The following EZH1 variants were observed in gnomAD, a reference collection of about 807,000 sequenced individuals.
EZH1 encodes the protein enhancer of zeste 1 polycomb repressive complex 2 subunit, also known as histone-lysine N-methyltransferase EZH1.
A neutral mutation model predicts 100.5 loss-of-function variants in EZH1; 33 were observed. The observed-to-expected ratio is 0.33, with a 90% CI of 0.25 to 0.44. EZH1 has a LOEUF of 0.44. EZH1 is among the 20% of genes least tolerant of loss of function. The pLI is 1.00. For synonymous variants in EZH1, 272 were observed against 313.8 expected (o/e 0.87, Z 1.41); for missense variants, 475 against 928.4 (o/e 0.51, Z 6.35).
intron 6 of EZH1, among the ~76,000 whole-genome samples, chr17:42,721,429 AAAG>A (rs1311032244): frequency 6.6e-6 from 1 of 152,208 alleles, no homozygotes; most frequent in Non-Finnish European, 1.5e-5. Flanking sequence ...TGCCTGGATC[AAAG>A]AAGTATGACA....
At chr17:42,732,539 C>T (rs983411441) in intron 1 of EZH1, among the ~76,000 whole-genome samples, 10 of 152,148 alleles carry the variant, frequency 6.6e-5, no homozygotes, top group African/African-American at 2.4e-4. Flanking sequence ...GAGGCCGAGG[C>T]GGGCAGATGA....
chr17:42,724,004 T>C (rs1000381232), intron 5 of EZH1, among the ~76,000 whole-genome samples: 9 of 152,220 alleles, frequency 5.9e-5, no homozygotes, highest in African/African-American at 1.7e-4. Context: ...TTAGACTGCA[T>C]TTAACTGTAC....
Position 42,744,518 on chromosome 17 carries a change from C to T in EZH1, c.-103+493G>A, listed in dbSNP as rs530525446. 3.0e-4 allele frequency among the ~76,000 whole-genome samples: 46 copies of T among 152,288 alleles called. 1 individual carries two copies. Among genetic ancestry groups the T allele is most frequent in the Admixed American group, 2.6e-3 (40 of 15,300 alleles). On this transcript the variant is annotated intron_variant, in intron 1 of 20. Transcript: ENST00000428826. The stretch of plus-strand genomic sequence containing the variant: ...TTTGTGCCTTGGGAGCCTTACTCAC[C>T]TCACCCTAGTCCCGGCCTTGTTTTT...
intron 19 of EZH1, chr17:42,703,197 CAG>C (rs2053280450): frequency 4.3e-6 from 2 of 460,734 alleles, no homozygotes; most frequent in South Asian, 4.3e-5. Flanking sequence ...TTTTTTGAGA[CAG>C]AGTCTTGCTC....
At chr17:42,719,041 AG>A in intron 8 of EZH1, 63 bp downstream of exon 8, 1 of 1,254,474 alleles carries the variant, frequency 8.0e-7, no homozygotes, top group Non-Finnish European at 1.1e-6. Context: ...ACCAAAAATT[AG>A]GAGGGAATAA....
chr17:42,712,447 C>G lies in EZH1; in HGVS notation c.1243G>C (p.Ala415Pro). The G allele has an allele frequency of 1.2e-6, 2 of 1,614,056 alleles. No individual in the cohort carries two copies. The highest frequency in any genetic ancestry group is 1.7e-6 in the Non-Finnish European group (2 of 1,179,990). The change falls in exon 12 of 21, where the codon GCT (alanine) becomes CCT (proline). Residue 415 changes from alanine to proline, a missense_variant. This residue lies in a region of EZH1 where 83 missense variants were observed against 142.1 expected (regional missense o/e 0.58). Transcript: ENST00000428826. ...CAGAGTTGAGGTGGGGCTGGACTAGCCTTCTGTTTTGTGGGAGTCTGACAG... is the reference window on the plus strand; with the variant it reads ...CAGAGTTGAGGTGGGGCTGGACTAGGCTTCTGTTTTGTGGGAGTCTGACAG... ...SRCQTPTKQK[A>P]SPAPPQLCVV...
intron 1 of EZH1, among the ~76,000 whole-genome samples, chr17:42,732,673 C>T (rs1185596775): frequency 6.6e-6 from 1 of 152,128 alleles, no homozygotes; most frequent in Non-Finnish European, 1.5e-5. Context: ...GAGGCTGAGC[C>T]AGGAGAATGG....
intron 6 of EZH1, among the ~76,000 whole-genome samples, chr17:42,722,073 C>T (rs1308773337): frequency 2.0e-5 from 3 of 149,514 alleles, no homozygotes; most frequent in African/African-American, 4.9e-5. Context: ...GGCATGAACC[C>T]GGGAGGCGGA....
intron 4 of EZH1, among the ~76,000 whole-genome samples, chr17:42,726,127 T>C (rs968426874): frequency 3.0e-4 from 45 of 150,190 alleles, no homozygotes; most frequent in African/African-American, 1.0e-3. Context: ...GATCCACCTG[T>C]CACAGCCTCT....
intron 15 of EZH1, among the ~76,000 whole-genome samples, 180 bp downstream of exon 15, chr17:42,707,778 C>T (rs374322226): frequency 3.3e-5 from 5 of 152,262 alleles, no homozygotes; most frequent in South Asian, 2.1e-4. Context: ...TGAACCTAAA[C>T]GTTTTCCAGA....
intron 10 of EZH1, among the ~76,000 whole-genome samples, chr17:42,713,710 C>T (rs1480714534): frequency 2.6e-5 from 4 of 152,172 alleles, no homozygotes; most frequent in African/African-American, 9.7e-5. Flanking sequence ...ATTCCCTTGC[C>T]TCAGCCTCCC....
rs1275055697 is a variant in EZH1 at position 42,703,439 on chromosome 17, A to G, written c.2098+301T>C. 3 of 352,318 alleles carry G rather than the reference A, an allele frequency of 8.5e-6. No individual in the cohort carries two copies. The Admixed American group carries it at 1.4e-4, about 16-fold the overall frequency. 21.8% of individuals were successfully genotyped at this position (352,318 alleles called of 1,614,324 possible). ...GTGATCCACCTGCCTCAGCCTCCCA[A>G]AGTGCTGGGATTACAGGCGTAAGCC... On this transcript the variant is annotated intron_variant, in intron 19 of 20. Transcript: ENST00000428826.
rs1156419566 is a variant in EZH1, at chr17:42,730,894, A to G, written c.-78T>C. The G allele has an allele frequency of 3.0e-6, 3 of 985,402 alleles. No individual in the cohort carries two copies. The East Asian group carries it at 3.3e-4, about 110-fold the overall frequency. The allele number at this position is 985,402 out of a possible 1,614,324, so 61.0% of individuals were successfully genotyped here. On this transcript the variant is annotated 5_prime_UTR_variant, in exon 2 of 21. Coordinates refer to ENST00000428826, the MANE Select transcript of EZH1 (RefSeq NM_001991.5). ...CTCTGTTCTTCAGGAGAATGGCAGGACACAACAGCAGAACAGGTGTCCAGC... is the reference window on the plus strand; with the variant it reads ...CTCTGTTCTTCAGGAGAATGGCAGGGCACAACAGCAGAACAGGTGTCCAGC...
At chr17:42,732,928 G>A (rs2053980516) in intron 1 of EZH1, among the ~76,000 whole-genome samples, 1 of 151,674 alleles carries the variant, frequency 6.6e-6, no homozygotes, top group Non-Finnish European at 1.5e-5. Context: ...CTCCAGCCTG[G>A]GCAACAGAGT....
intron 1 of EZH1, among the ~76,000 whole-genome samples, chr17:42,741,020 G>A (rs1408085232): frequency 1.3e-5 from 2 of 152,226 alleles, no homozygotes; most frequent in South Asian, 2.1e-4. Flanking sequence ...CCAGAATGGA[G>A]AAGCACAATT....
Position 42,730,938 on chromosome 17 carries a change from C to G in EZH1, c.-102-20G>C. On this transcript the variant is annotated intron_variant, in intron 1 of 20. Coordinates refer to ENST00000428826, the MANE Select transcript of EZH1 (RefSeq NM_001991.5). ...GTCCAGCTTTTCAAAAGAGAACAGA[C>G]AGTGGTTCTATTAAGTTAGTGCAGC... 1.0e-6 allele frequency: 1 copy of G among 979,438 alleles called. No individual in the cohort carries two copies. Among genetic ancestry groups the G allele is most frequent in the Non-Finnish European group, 1.2e-6 (1 of 824,400 alleles). The allele number at this position is 979,438 out of a possible 1,614,324, so 60.7% of individuals were successfully genotyped here.
At chr17:42,712,762 G>A (rs2053509704) in intron 11 of EZH1, among the ~76,000 whole-genome samples, 1 of 152,124 alleles carries the variant, frequency 6.6e-6, no homozygotes, top group Admixed American at 6.6e-5. Flanking sequence ...AATTAGCCAG[G>A]CAGGGTGGCT....
intron 13 of EZH1, 100 bp downstream of exon 13, chr17:42,709,746 C>A: frequency 9.3e-7 from 1 of 1,071,076 alleles, no homozygotes; most frequent in East Asian, 2.4e-5. Context: ...ACAGCCTGTG[C>A]GGTTGCTAAA....
intron 10 of EZH1, chr17:42,714,519 G>A: frequency 3.5e-6 from 1 of 283,604 alleles, no homozygotes; most frequent in South Asian, 4.0e-5. Context: ...AAGCATGTCA[G>A]CAGGGCCTAT....
Sources: allele counts gnomAD v4.1 joint callset (sites outside exome capture counted in the v4.1 genomes callset), GRCh38; gene constraint gnomAD v4.1.1; regional missense constraint gnomAD v4.1.1; transcripts MANE v1.5; gene names NCBI Gene and HGNC (gene_info 2026-07-23, HGNC 2026-07-21).